DIS3L2: variants seen among roughly 807,000 people sequenced by gnomAD.
DIS3L2 encodes the protein DIS3-like exonuclease 2.
In DIS3L2, 34 loss-of-function variants were observed where a neutral mutation model predicts 97.5. The ratio of observed to expected loss-of-function variants is 0.35; its 90% CI spans 0.27 to 0.46. The LOEUF (loss-of-function observed/expected upper bound fraction) is 0.46, where lower values mean the gene tolerates loss of function less well. Among genes scored for constraint, DIS3L2 ranks in the 20% least tolerant of loss-of-function variants. The pLI, the probability that DIS3L2 is intolerant of heterozygous loss-of-function variation, is 1.00. For synonymous variants in DIS3L2, 435 were observed against 445.2 expected (o/e 0.98, Z 0.29); for missense variants, 1,038 against 1,146.0 (o/e 0.91, Z 1.36).
intron 1 of DIS3L2, among the ~76,000 whole-genome samples, chr2:231,974,460 G>A (rs1295041656): frequency 6.7e-6 from 1 of 148,968 alleles, no homozygotes; most frequent in African/African-American, 2.5e-5. Flanking sequence ...TTTTTTCTGT[G>A]GTGTCTAATC....
At chr2:231,996,835 T>G (rs1693746035) in intron 1 of DIS3L2, among the ~76,000 whole-genome samples, 1 of 152,240 alleles carries the variant, frequency 6.6e-6, no homozygotes, top group Non-Finnish European at 1.5e-5. Context: ...TTGTTCCTCC[T>G]TTTCTGTCTT....
At chr2:232,107,179 C>T (rs1173170431) in intron 6 of DIS3L2, among the ~76,000 whole-genome samples, 1 of 152,104 alleles carries the variant, frequency 6.6e-6, no homozygotes, top group Non-Finnish European at 1.5e-5. Flanking sequence ...AACAACCTAT[C>T]ATCACGACTA....
At chr2:232,137,303 C>T (rs1360135087) in intron 8 of DIS3L2, among the ~76,000 whole-genome samples, 1 of 152,196 alleles carries the variant, frequency 6.6e-6, no homozygotes, top group Non-Finnish European at 1.5e-5. Context: ...ATGGCCACTT[C>T]ATTTTCATCT....
At chr2:232,241,790 C>G (rs2106256289) in intron 11 of DIS3L2, among the ~76,000 whole-genome samples, 1 of 152,236 alleles carries the variant, frequency 6.6e-6, no homozygotes, top group Non-Finnish European at 1.5e-5. Context: ...AATGTAATTG[C>G]AAAGTTTAAA....
chr2:232,258,468 C>T (rs1693627097), intron 12 of DIS3L2, among the ~76,000 whole-genome samples: 1 of 152,176 alleles, frequency 6.6e-6, no homozygotes, highest in East Asian at 1.9e-4. Context: ...CCTGTAGTCC[C>T]AGCTACTCAG....
intron 11 of DIS3L2, among the ~76,000 whole-genome samples, chr2:232,239,673 C>T (rs968341946): frequency 7.9e-5 from 12 of 152,170 alleles, no homozygotes; most frequent in Non-Finnish European, 1.5e-4. Context: ...AGGAATATCC[C>T]CACCATCCAC....
intron 8 of DIS3L2, among the ~76,000 whole-genome samples, chr2:232,144,932 G>A (rs1690177997): frequency 6.6e-6 from 1 of 152,136 alleles, no homozygotes; most frequent in East Asian, 1.9e-4. Flanking sequence ...ATCTTATCGG[G>A]GGCACATAAT....
At chr2:232,086,236 C>T (rs1028238274) in intron 5 of DIS3L2, among the ~76,000 whole-genome samples, 4 of 150,838 alleles carry the variant, frequency 2.7e-5, no homozygotes, top group East Asian at 1.9e-4. Context: ...GACGTGTATA[C>T]GTATATATAC....
chr2:232,313,956 C>T (rs190396684), intron 14 of DIS3L2, among the ~76,000 whole-genome samples: 110 of 152,308 alleles, frequency 7.2e-4, no homozygotes, highest in African/African-American at 1.9e-3. Context: ...GACCTGCCCC[C>T]GTGATTCAGT....
At chr2:232,205,115 C>T (rs1188566894) in intron 9 of DIS3L2, among the ~76,000 whole-genome samples, 1 of 151,810 alleles carries the variant, frequency 6.6e-6, no homozygotes, top group Non-Finnish European at 1.5e-5. Context: ...TTCCAGCATC[C>T]CCTCAACACA....
intron 13 of DIS3L2, among the ~76,000 whole-genome samples, chr2:232,295,420 C>T (rs956054642): frequency 2.0e-5 from 3 of 152,236 alleles, no homozygotes; most frequent in Non-Finnish European, 4.4e-5. Flanking sequence ...ATCTTCCTTC[C>T]TCTTGCAGCC....
At chr2:232,314,017 A>G (rs770501943) in intron 14 of DIS3L2, among the ~76,000 whole-genome samples, 2 of 152,238 alleles carry the variant, frequency 1.3e-5, no homozygotes, top group Non-Finnish European at 2.9e-5. Flanking sequence ...GGGAGCTACA[A>G]GATGAGATTT....
chr2:232,110,739 G>A (rs755664714), intron 6 of DIS3L2, among the ~76,000 whole-genome samples: 73 of 152,252 alleles, frequency 4.8e-4, no homozygotes, highest in Admixed American at 2.6e-3. Context: ...AGGAAAAATA[G>A]CCAATGGATG....
chr2:232,094,744 A>G (rs867535220), intron 6 of DIS3L2, among the ~76,000 whole-genome samples: 9 of 151,344 alleles, frequency 5.9e-5, no homozygotes, highest in East Asian at 1.9e-4. Context: ...AAGAAAGAAA[A>G]GAAAGAAAGC....
chr2:232,228,410 C>T (rs1010666308), intron 10 of DIS3L2, among the ~76,000 whole-genome samples: 4 of 152,222 alleles, frequency 2.6e-5, no homozygotes, highest in Admixed American at 2.6e-4. Flanking sequence ...AAGACTAGGT[C>T]CCCATGCTGG....
chr2:232,018,217 C>T (rs1185372351), intron 3 of DIS3L2, among the ~76,000 whole-genome samples: 1 of 152,128 alleles, frequency 6.6e-6, no homozygotes, highest in African/African-American at 2.4e-5. Flanking sequence ...GCTTCAGCTC[C>T]CTTTTAGTTT....
chr2:232,245,503 C>G (rs566371216), intron 11 of DIS3L2, among the ~76,000 whole-genome samples: 3 of 152,338 alleles, frequency 2.0e-5, no homozygotes, highest in Non-Finnish European at 2.9e-5. Context: ...TGATTGTAAC[C>G]TCTTAATTCC....
intron 9 of DIS3L2, among the ~76,000 whole-genome samples, chr2:232,176,920 G>A (rs1163298495): frequency 1.4e-5 from 2 of 146,736 alleles, no homozygotes; most frequent in Non-Finnish European, 3.0e-5. Flanking sequence ...TCGTCATCTA[G>A]CATTAGGTAT....
chr2:232,027,101 A>G (rs955230411), intron 4 of DIS3L2, among the ~76,000 whole-genome samples: 1 of 152,180 alleles, frequency 6.6e-6, no homozygotes, highest in Non-Finnish European at 1.5e-5. Flanking sequence ...AGTTTCCAGA[A>G]GCATTATAGA....
Sources: gnomAD v4.1 joint callset for allele counts (sites outside exome capture counted in the v4.1 genomes callset) on GRCh38, gnomAD v4.1.1 for gene constraint, MANE v1.5 for transcripts, NCBI Gene and HGNC (gene_info 2026-07-23, HGNC 2026-07-21) for gene names.